PRKAR1A: variants seen among roughly 807,000 people sequenced by gnomAD.
PRKAR1A encodes cAMP-dependent protein kinase type I-alpha regulatory subunit.
In PRKAR1A, 3 loss-of-function variants were observed where a neutral mutation model predicts 52.0. That is an observed-to-expected ratio of 0.06 (90% CI 0.03 to 0.15). PRKAR1A has a LOEUF of 0.15. PRKAR1A is among the 10% of genes least tolerant of loss of function. PRKAR1A has a pLI of 1.00. For missense variants in PRKAR1A, 240 were observed against 477.4 expected (o/e 0.50, Z 4.63); for synonymous variants, 188 against 168.4 (o/e 1.12, Z -0.90).
At chr17:68,511,295 G>A (rs1268736193), upstream of PRKAR1A, among the ~76,000 whole-genome samples, 2 of 152,248 alleles carry the variant, frequency 1.3e-5, no homozygotes, top group South Asian at 2.1e-4. Context: ...ACTTGGACAT[G>A]TTTCCTTGAT....
At chr17:68,519,058 C>A (rs993000894) in intron 2 of PRKAR1A, among the ~76,000 whole-genome samples, 1 of 152,110 alleles carries the variant, frequency 6.6e-6, no homozygotes, top group Non-Finnish European at 1.5e-5. Context: ...TGGTCAAAGC[C>A]GTACAAGAAA....
At chr17:68,525,292 TAA>T (rs397857487) in intron 6 of PRKAR1A, among the ~76,000 whole-genome samples, 131 of 121,968 alleles carry the variant, frequency 1.1e-3, no homozygotes, top group Non-Finnish European at 1.0e-3. Context: ...CCTCATCTCT[TAA>T]AAAAAAAAAA....
the PRKAR1A span, among the ~76,000 whole-genome samples, chr17:68,471,744 G>GC: frequency 2.0e-5 from 3 of 152,056 alleles, no homozygotes; most frequent in South Asian, 4.2e-4. Context: ...TGTCTCAGAG[G>GC]CCCCCCACTT....
At chr17:68,490,875 G>A in the PRKAR1A span, among the ~76,000 whole-genome samples, 4 of 151,952 alleles carry the variant, frequency 2.6e-5, no homozygotes, top group African/African-American at 9.7e-5. Flanking sequence ...GTGAAGAGTG[G>A]GTCCCATGTT....
chr17:68,494,577 C>T, the PRKAR1A span, among the ~76,000 whole-genome samples: 1 of 152,038 alleles, frequency 6.6e-6, no homozygotes, highest in African/African-American at 2.4e-5. Flanking sequence ...AGCAGGAGTG[C>T]TGTGCTGGGA....
At chr17:68,501,801 G>A in the PRKAR1A span, among the ~76,000 whole-genome samples, 1 of 152,206 alleles carries the variant, frequency 6.6e-6, no homozygotes, top group South Asian at 2.1e-4. Context: ...GCAACTAGAC[G>A]GCTCTTTGTG....
At chr17:68,421,959 C>A in the PRKAR1A span, 1 of 999,940 alleles carries the variant, frequency 1.0e-6, no homozygotes, top group Admixed American at 1.8e-5. Flanking sequence ...TGAACTCGCT[C>A]ATGGCCACAG....
rs1368584160 is a variant in PRKAR1A at position 68,530,732 on chromosome 17, T to C, written c.*283T>C. 2 of 1,349,986 alleles carry C rather than the reference T, an allele frequency of 1.5e-6. No homozygotes were observed. Among genetic ancestry groups the C allele is most frequent in the Admixed American group, 3.0e-5 (1 of 33,086 alleles). The allele number at this position is 1,349,986 out of a possible 1,614,324, so 83.6% of individuals were successfully genotyped here. A position where few individuals can be genotyped will look rare whatever the true frequency, so the allele number is the denominator to read the frequency against. The stretch of plus-strand genomic sequence containing the variant: ...CACCCTGGGCAGTGAGTGCCATGCT[T>C]TTTGGTGAGGGCAGATCCCAGCACC... On this transcript the variant is annotated 3_prime_UTR_variant, in exon 11 of 11. Coordinates refer to ENST00000589228, the MANE Select transcript of PRKAR1A (RefSeq NM_002734.5).
At chr17:68,515,324 G>T (rs781331528) in intron 1 of PRKAR1A, 70 bp from the exon 2 acceptor site, 136 of 1,557,746 alleles carry the variant, frequency 8.7e-5, no homozygotes, top group Non-Finnish European at 1.1e-4. Context: ...AATGAATTTA[G>T]CAAGTTAAAT....
chr17:68,509,354 G>A (rs1015913988), upstream of PRKAR1A, among the ~76,000 whole-genome samples: 5 of 152,054 alleles, frequency 3.3e-5, no homozygotes, highest in Admixed American at 3.3e-4. Flanking sequence ...TTGTAGAGAC[G>A]GCGGTCTCAC....
At chr17:68,546,797 TC>T (rs995211613) in intron 11 of PRKAR1A, among the ~76,000 whole-genome samples, 1 of 135,146 alleles carries the variant, frequency 7.4e-6, no homozygotes, top group Non-Finnish European at 1.5e-5. Context: ...GCCACTGGAC[TC>T]CAGCCTGGGC....
chr17:68,489,210 A>ATATATATATATGGAAAG, the PRKAR1A span, among the ~76,000 whole-genome samples: 2 of 47,124 alleles, frequency 4.2e-5, no homozygotes, highest in Non-Finnish European at 3.6e-5. Flanking sequence ...ATATATATAT[A>ATATATATATATGGAAAG]TATATATATA....
rs572062660 is a variant in PRKAR1A, at chr17:68,538,968, C to G, written c.973+8967C>G. On this transcript the variant is annotated intron_variant, in intron 11 of 11. Coordinates refer to the PRKAR1A transcript ENST00000585981. The stretch of plus-strand genomic sequence containing the variant: ...CACGGTGTGAACATCAGAGAGTGTA[C>G]TCACACAAACCTAGATGGTGTAGCC... Among the ~76,000 whole-genome samples the G allele has an allele frequency of 7.3e-4, 111 of 152,234 alleles. 1 individual carries two copies. Among genetic ancestry groups the G allele is most frequent in the Middle Eastern group, 6.8e-3 (2 of 294 alleles).
In PRKAR1A at chr17:68,531,849, G is replaced by C; in HGVS notation, c.*1400G>C. ...TTTTTAAACAAAATTTCACAGTTCT[G>C]TAATGTAGGCACTTTTATTTTCATT... On this transcript the variant is annotated 3_prime_UTR_variant, in exon 11 of 11. Transcript: ENST00000589228. 1 of 1,036,340 alleles carries C rather than the reference G, an allele frequency of 9.6e-7. No individual in the cohort carries two copies. The highest frequency in any genetic ancestry group is 1.2e-6 in the Non-Finnish European group (1 of 852,614). The allele number at this position is 1,036,340 out of a possible 1,614,324, so 64.2% of individuals were successfully genotyped here. A position where few individuals can be genotyped will look rare whatever the true frequency, so the allele number is the denominator to read the frequency against.
At chr17:68,526,009 A>G (rs2085778360) in intron 7 of PRKAR1A, 97 bp downstream of exon 7, 1 of 1,415,276 alleles carries the variant, frequency 7.1e-7, no homozygotes, top group African/African-American at 1.5e-5. Flanking sequence ...ATTTCTTTTA[A>G]TGAGCAAATA....
Position 68,528,795 on chromosome 17 carries a change from C to T in PRKAR1A, c.770-75C>T, listed in dbSNP as rs112290562. On this transcript the variant is annotated intron_variant, in intron 8 of 10. Coordinates refer to ENST00000589228, the MANE Select transcript of PRKAR1A (RefSeq NM_002734.5). ...AATGGGCATGGCTATTTGGTTGAAT[C>T]TCTTTATACTTTCTTTTTACCTTTA... is the stretch of plus-strand genomic sequence containing the variant. 80 of 1,578,080 alleles carry T rather than the reference C, an allele frequency of 5.1e-5. 1 individual carries two copies. In the African/African-American group the frequency reaches 5.5e-4, roughly 11 times the overall value.
the PRKAR1A span, chr17:68,444,642 G>T: frequency 1.4e-6 from 2 of 1,455,282 alleles, no homozygotes; most frequent in South Asian, 1.2e-5. Flanking sequence ...CAAAGACCCT[G>T]ACCAAATCCA....
At chr17:68,526,354 C>T (rs1274867052) in intron 7 of PRKAR1A, among the ~76,000 whole-genome samples, 1 of 152,196 alleles carries the variant, frequency 6.6e-6, no homozygotes, top group Non-Finnish European at 1.5e-5. Context: ...CATGTCCCCT[C>T]TCGTTAAAGG....
At chr17:68,430,255 C>T in the PRKAR1A span, 24 of 1,277,146 alleles carry the variant, frequency 1.9e-5, no homozygotes, top group South Asian at 7.1e-5. Flanking sequence ...CCACACTCCC[C>T]GCAGCAGGGA....
Sources: allele counts gnomAD v4.1 joint callset (sites outside exome capture counted in the v4.1 genomes callset), GRCh38; gene constraint gnomAD v4.1.1; transcripts MANE v1.5; gene names NCBI Gene and HGNC (gene_info 2026-07-23, HGNC 2026-07-21).